Variants in IFI27L1 observed in about 807,000 individuals in gnomAD.
IFI27L1 encodes the protein interferon alpha inducible protein 27 like 1, also known as interferon alpha-inducible protein 27-like protein 1.
A neutral mutation model predicts 9.2 loss-of-function variants in IFI27L1; 3 were observed. The observed-to-expected ratio is 0.32, with a 90% CI of 0.15 to 0.84. The LOEUF is 0.84. Among genes scored for constraint, IFI27L1 ranks in the 40% least tolerant of loss-of-function variants. IFI27L1 has a pLI of 0.56. For missense variants in IFI27L1, 133 were observed against 134.2 expected, an observed-to-expected ratio of 0.99 and a Z score of 0.05; for synonymous variants, 53 against 50.0, an observed-to-expected ratio of 1.06 and a Z score of -0.26.
chr14:94,091,736 G>A (rs4265737), intron 1 of IFI27L1, among the ~76,000 whole-genome samples: 43,873 of 151,666 alleles, frequency 0.29, 6,647 homozygotes, highest in East Asian at 0.5. Context: ...ATTAATAGAG[G>A]GAAGATTTAG....
chr14:94,086,819 G>T (rs778540593), intron 1 of IFI27L1, among the ~76,000 whole-genome samples: 1 of 152,184 alleles, frequency 6.6e-6, no homozygotes, highest in Non-Finnish European at 1.5e-5. Flanking sequence ...CTTTTGCTTC[G>T]AGGTAAACCC....
intron 1 of IFI27L1, among the ~76,000 whole-genome samples, chr14:94,083,344 A>G (rs1240048870): frequency 1.3e-5 from 2 of 152,260 alleles, no homozygotes; most frequent in African/African-American, 4.8e-5. Flanking sequence ...TGCTGGGAAC[A>G]CTGTTGAAAT....
At chr14:94,097,100 A>G (rs1025141945) in intron 2 of IFI27L1, 135 bp downstream of exon 2, 5 of 669,380 alleles carry the variant, frequency 7.5e-6, no homozygotes, top group African/African-American at 7.3e-5. Flanking sequence ...AGAATTATTC[A>G]GGAATGAATG....
intron 1 of IFI27L1, among the ~76,000 whole-genome samples, chr14:94,085,677 T>G (rs909756817): frequency 6.6e-6 from 1 of 152,184 alleles, no homozygotes; most frequent in African/African-American, 2.4e-5. Flanking sequence ...ATAATTAGTG[T>G]ACAATAAAAT....
chr14:94,094,537 C>G (rs1567069856), intron 1 of IFI27L1, among the ~76,000 whole-genome samples: 1 of 152,152 alleles, frequency 6.6e-6, no homozygotes, highest in Non-Finnish European at 1.5e-5. Flanking sequence ...GATAAAGCAG[C>G]ATGATGTAAA....
intron 1 of IFI27L1, among the ~76,000 whole-genome samples, chr14:94,082,118 C>T (rs905568533): frequency 1.3e-5 from 2 of 152,204 alleles, no homozygotes; most frequent in South Asian, 2.1e-4. Context: ...CTAATGAACA[C>T]ATGAATGATA....
chr14:94,101,876 G>A lies in IFI27L1; in HGVS notation c.124G>A (p.Ala42Thr), dbSNP rs545021441. 2.1e-5 allele frequency: 34 copies of A among 1,614,088 alleles called. No individual in the cohort carries two copies. In the South Asian group the frequency reaches 2.5e-4, roughly 12 times the overall value. ...CATGGGCTTCACCTCAGTAGGAATC[G>A]CCGCATCCTCCATAGCAGCCAAGAT... is the stretch of plus-strand genomic sequence containing the variant. ...SAMGFTSVGIAASSIAAKMMS... is the reference protein window; with the variant it reads ...SAMGFTSVGITASSIAAKMMS... Residue 42 changes from alanine to threonine, a missense_variant, in exon 4 of 5, where the codon GCC becomes ACC. Ala to Thr is a moderately conservative substitution (Grantham distance 58). Coordinates refer to ENST00000555523, the MANE Select transcript of IFI27L1 (RefSeq NM_206949.3).
intron 1 of IFI27L1, among the ~76,000 whole-genome samples, chr14:94,088,474 C>T (rs1886356812): frequency 6.6e-6 from 1 of 151,066 alleles, no homozygotes; most frequent in Non-Finnish European, 1.5e-5. Context: ...CAGCTTAGAC[C>T]CTCCTCCTCC....
At chr14:94,085,394 T>C (rs889060268) in intron 1 of IFI27L1, among the ~76,000 whole-genome samples, 1 of 152,218 alleles carries the variant, frequency 6.6e-6, no homozygotes, top group African/African-American at 2.4e-5. Flanking sequence ...TAAACGTAAA[T>C]GCATGTAAAC....
Position 94,102,575 on chromosome 14 carries a change from C to T in IFI27L1, c.*7C>T. ...TTCACCCCCTTCCAGCTGAACACCA[C>T]ACTGAGGCAGGGAGTTGGCTCTCTT... On this transcript the variant is annotated 3_prime_UTR_variant, in exon 5 of 5. Transcript: ENST00000555523. The T allele has an allele frequency of 4.6e-6, 7 of 1,511,944 alleles. No homozygotes were observed. The highest frequency in any genetic ancestry group is 5.3e-6 in the Non-Finnish European group (6 of 1,126,066). 93.7% of individuals were successfully genotyped at this position (1,511,944 alleles called of 1,614,324 possible). A position where few individuals can be genotyped will look rare whatever the true frequency, so the allele number is the denominator to read the frequency against.
At chr14:94,082,505 T>C (rs1440208875) in intron 1 of IFI27L1, among the ~76,000 whole-genome samples, 1 of 152,244 alleles carries the variant, frequency 6.6e-6, no homozygotes, top group African/African-American at 2.4e-5. Flanking sequence ...ATCAAGGACT[T>C]TCATAGCTAG....
chr14:94,086,394 T>A (rs1045780494), intron 1 of IFI27L1, among the ~76,000 whole-genome samples: 1 of 152,218 alleles, frequency 6.6e-6, no homozygotes, highest in African/African-American at 2.4e-5. Context: ...TTTATAGCAA[T>A]ACAAGAATTG....
intron 2 of IFI27L1, among the ~76,000 whole-genome samples, chr14:94,097,303 T>C: frequency 6.6e-6 from 1 of 152,256 alleles, no homozygotes; most frequent in South Asian, 2.1e-4. Context: ...TGCTGGGCAG[T>C]CATCCATTCA....
At chr14:94,083,392 GA>G (rs1886175894) in intron 1 of IFI27L1, among the ~76,000 whole-genome samples, 1 of 152,246 alleles carries the variant, frequency 6.6e-6, no homozygotes, top group Admixed American at 6.5e-5. Context: ...AAACTTAGTT[GA>G]TAAAGCAGTG....
At chr14:94,082,308 T>G (rs1886135665) in intron 1 of IFI27L1, among the ~76,000 whole-genome samples, 1 of 152,154 alleles carries the variant, frequency 6.6e-6, no homozygotes, top group African/African-American at 2.4e-5. Context: ...CTAGAAGAGA[T>G]TATTTCATGA....
chr14:94,098,694 C>G (rs1229006146), intron 2 of IFI27L1, among the ~76,000 whole-genome samples: 1 of 152,004 alleles, frequency 6.6e-6, no homozygotes, highest in Non-Finnish European at 1.5e-5. Context: ...TCAGTGGGGA[C>G]GTTGTAAGTC....
intron 1 of IFI27L1, among the ~76,000 whole-genome samples, chr14:94,093,931 G>A (rs899099503): frequency 4.6e-5 from 7 of 152,122 alleles, no homozygotes; most frequent in African/African-American, 7.2e-5. Context: ...TGAAGTCTGC[G>A]GAGAGAGGAA....
intron 3 of IFI27L1, 49 bp downstream of exon 3, chr14:94,100,820 C>A (rs777743101): frequency 6.2e-7 from 1 of 1,600,580 alleles, no homozygotes; most frequent in Non-Finnish European, 8.6e-7. Flanking sequence ...CGCCTCCCCC[C>A]AGCCCTGAGC....
At chr14:94,088,090 C>G (rs1595388994) in intron 1 of IFI27L1, among the ~76,000 whole-genome samples, 1 of 152,294 alleles carries the variant, frequency 6.6e-6, no homozygotes, top group African/African-American at 2.4e-5. Context: ...GTTAATGACT[C>G]TATTCCCCTG....
Sources: allele counts gnomAD v4.1 joint callset (sites outside exome capture counted in the v4.1 genomes callset), GRCh38; gene constraint gnomAD v4.1.1; transcripts MANE v1.5; gene names NCBI Gene and HGNC (gene_info 2026-07-23, HGNC 2026-07-21).